Variants in ACADSB observed in about 807,000 individuals in gnomAD.
ACADSB encodes the protein acyl-CoA dehydrogenase short/branched chain.
Under a neutral mutation model 54.1 loss-of-function variants are expected in ACADSB, and 40 were observed. The observed-to-expected ratio is 0.74, with a 90% confidence interval of 0.57 to 0.96. The LOEUF (loss-of-function observed/expected upper bound fraction) is 0.96. Among genes scored for constraint, ACADSB ranks in the 40% least tolerant of loss-of-function variants. The probability of loss-of-function intolerance (pLI) is 0.00; values close to 1 mark genes in which losing one functional copy is unlikely to be tolerated. For missense variants in ACADSB, 530 were observed against 510.4 expected (o/e 1.04, Z -0.37); for synonymous variants, 182 against 182.8 (o/e 1.00, Z 0.03).
Position 123,057,110 on chromosome 10 carries a change from T to C in ACADSB, c.*3345T>C, listed in dbSNP as rs1291713848. ...GCGATTATGTGAAAGAGGTGGACTT[T>C]ACAGATAATGGAGCAGAAGCCAACA... is the stretch of plus-strand genomic sequence containing the variant. On this transcript the variant is annotated 3_prime_UTR_variant, in exon 11 of 11. Transcript: ENST00000358776. The C allele has an allele frequency of 1.3e-5, 2 of 152,526 alleles. No individual in the cohort carries two copies. Among genetic ancestry groups the C allele is most frequent in the Non-Finnish European group, 2.9e-5 (2 of 68,050 alleles). 9.4% of individuals were successfully genotyped at this position (152,526 alleles called of 1,614,324 possible).
chr10:123,029,408 C>T (rs941587875), intron 1 of ACADSB, among the ~76,000 whole-genome samples: 44 of 151,984 alleles, frequency 2.9e-4, no homozygotes, highest in Admixed American at 3.9e-4. Context: ...CTCACACTTC[C>T]ACCCTCTCCT....
At chr10:123,039,279 C>T (rs1020654663) in intron 3 of ACADSB, among the ~76,000 whole-genome samples, 5 of 152,146 alleles carry the variant, frequency 3.3e-5, no homozygotes, top group Admixed American at 2.6e-4. Context: ...TTCAGTCGCT[C>T]GCATTTCTGG....
chr10:123,009,649 T>A (rs951905531), intron 1 of ACADSB, among the ~76,000 whole-genome samples: 4 of 152,168 alleles, frequency 2.6e-5, no homozygotes, highest in African/African-American at 9.7e-5. Flanking sequence ...GGAGCCTGGG[T>A]ATCTTCCGTG....
intron 2 of ACADSB, among the ~76,000 whole-genome samples, chr10:123,036,965 G>T (rs1222400766): frequency 1.3e-5 from 2 of 152,192 alleles, no homozygotes; most frequent in Non-Finnish European, 2.9e-5. Flanking sequence ...ACTTAAGAAG[G>T]TGTTTTCATC....
intron 2 of ACADSB, among the ~76,000 whole-genome samples, chr10:123,035,264 G>A (rs1850383935): frequency 6.6e-6 from 1 of 152,002 alleles, no homozygotes; most frequent in Admixed American, 6.6e-5. Context: ...CCTAGATAGT[G>A]GGTTTTCATA....
Position 123,041,350 on chromosome 10 carries a change from C to G in ACADSB, c.652C>G (p.Leu218Val), listed in dbSNP as rs149620543. ...ISSAEHAGLF[L>V]VMANVDPTIG... is the part of the protein sequence containing the mutation. ...CAGTGCTGAGCACGCAGGGCTCTTT[C>G]TGGTGATGGCAAATGTAGACCCTAC... The change falls in exon 5 of 11, where the codon CTG (leucine) becomes GTG (valine). Residue 218 changes from leucine (L) to valine (V), a missense_variant. Coordinates refer to ENST00000358776, the MANE Select transcript of ACADSB (RefSeq NM_001609.4). The G allele has an allele frequency of 1.7e-5, 28 of 1,614,182 alleles. No homozygotes were observed. In the African/African-American group the frequency reaches 2.3e-4, roughly 13 times the overall value.
chr10:123,025,237 G>A (rs1412264662), intron 1 of ACADSB, among the ~76,000 whole-genome samples: 3 of 152,170 alleles, frequency 2.0e-5, no homozygotes, highest in African/African-American at 7.2e-5. Context: ...CACAAGGATC[G>A]CTTGAATCTA....
chr10:123,043,794 C>T (rs777520207), intron 6 of ACADSB, among the ~76,000 whole-genome samples: 2 of 152,168 alleles, frequency 1.3e-5, no homozygotes, highest in African/African-American at 2.4e-5. Context: ...TTTCTCCATT[C>T]TTCCCTGCTC....
At chr10:123,053,629 A>G in intron 10 of ACADSB, 66 bp from the exon 11 acceptor site, 1 of 1,348,538 alleles carries the variant, frequency 7.4e-7, no homozygotes, top group Non-Finnish European at 1.1e-6. Context: ...TGATGTTTAT[A>G]GAGCTATTTC....
intron 1 of ACADSB, among the ~76,000 whole-genome samples, chr10:123,026,901 G>T (rs952150205): frequency 2.6e-5 from 4 of 152,108 alleles, no homozygotes; most frequent in African/African-American, 9.7e-5. Flanking sequence ...TATGGGAGAG[G>T]TTGAGAAGTG....
At chr10:123,029,382 C>T (rs1275326359) in intron 1 of ACADSB, among the ~76,000 whole-genome samples, 1 of 151,280 alleles carries the variant, frequency 6.6e-6, no homozygotes, top group Non-Finnish European at 1.5e-5. Flanking sequence ...AGAAAGAAAA[C>T]AATGCTAACA....
chr10:123,040,953 G>T (rs1392126871), intron 4 of ACADSB, among the ~76,000 whole-genome samples: 1 of 152,136 alleles, frequency 6.6e-6, no homozygotes, highest in South Asian at 2.1e-4. Context: ...TTTACGTTGT[G>T]ATGTCTTTCT....
chr10:123,045,172 T>TATATATATATA (rs1491569179), intron 7 of ACADSB, among the ~76,000 whole-genome samples: 1 of 12,480 alleles, frequency 8.0e-5, no homozygotes, highest in Non-Finnish European at 1.2e-4. Flanking sequence ...TATATATATA[T>TATATATATATA]TTTTTTTTTT....
intron 6 of ACADSB, among the ~76,000 whole-genome samples, 170 bp downstream of exon 6, chr10:123,043,341 C>A (rs1347221354): frequency 6.6e-6 from 1 of 152,212 alleles, no homozygotes; most frequent in Non-Finnish European, 1.5e-5. Flanking sequence ...GATAAATGTA[C>A]TTTTCACAAA....
chr10:123,031,299 C>CCCAGAT (rs1564749322), intron 1 of ACADSB, among the ~76,000 whole-genome samples: 3 of 152,168 alleles, frequency 2.0e-5, no homozygotes, highest in African/African-American at 7.2e-5. Context: ...GTCCACGAGG[C>CCCAGAT]CCAGATTTGA....
intron 1 of ACADSB, among the ~76,000 whole-genome samples, chr10:123,021,566 T>C (rs1850184448): frequency 6.6e-6 from 1 of 152,226 alleles, no homozygotes; most frequent in Admixed American, 6.5e-5. Flanking sequence ...ACCAAAAACA[T>C]ATTTTACTTT....
chr10:123,048,468 T>C (rs1331961611), intron 8 of ACADSB, among the ~76,000 whole-genome samples: 1 of 152,110 alleles, frequency 6.6e-6, no homozygotes, highest in African/African-American at 2.4e-5. Context: ...ATTTTCATTA[T>C]ACTAGAGTAC....
At chr10:123,047,145 C>G (rs1016991653) in intron 7 of ACADSB, 64 bp from the exon 8 acceptor site, 12 of 1,329,288 alleles carry the variant, frequency 9.0e-6, no homozygotes, top group Non-Finnish European at 1.3e-5. Flanking sequence ...AGGGAATTCA[C>G]AACTTGGATA....
Position 123,037,823 on chromosome 10 carries a change from A to G in ACADSB, c.279A>G (p.Val93=), listed in dbSNP as rs1297378316. ...MDENSKMEKS[V]IQGLFQQGLM... ...AAAATTCGAAAATGGAGAAATCAGT[A>G]ATACAAGGATTATTTCAACAAGGGG... The change falls in exon 3 of 11, where the codon GTA becomes GTG. Residue 93 remains valine (V), a synonymous_variant. Transcript: ENST00000358776. The G allele has an allele frequency of 6.2e-7, 1 of 1,606,258 alleles. No homozygotes were observed. The highest frequency in any genetic ancestry group is 8.5e-7 in the Non-Finnish European group (1 of 1,173,178).
Sources: allele counts gnomAD v4.1 joint callset (sites outside exome capture counted in the v4.1 genomes callset), GRCh38; gene constraint gnomAD v4.1.1; transcripts MANE v1.5; gene names NCBI Gene and HGNC (gene_info 2026-07-23, HGNC 2026-07-21).